NFASC: variants seen among roughly 807,000 people sequenced by gnomAD.
The protein encoded by NFASC is neurofascin homolog.
In NFASC, 43 loss-of-function variants were observed where a neutral mutation model predicts 147.5. The ratio of observed to expected loss-of-function variants is 0.29; its 90% CI spans 0.23 to 0.38. The LOEUF (loss-of-function observed/expected upper bound fraction) is 0.38, where lower values mean the gene tolerates loss of function less well. Ranked by LOEUF, NFASC falls within the 10% of genes least tolerant of loss-of-function variation. The pLI is 1.00. For synonymous variants in NFASC, 622 were observed against 665.5 expected (o/e 0.93, Z 1.01); for missense variants, 1,320 against 1,689.0 (o/e 0.78, Z 3.83).
At chr1:205,003,517 T>C (rs1361996726) in intron 27 of NFASC, among the ~76,000 whole-genome samples, 1 of 152,170 alleles carries the variant, frequency 6.6e-6, no homozygotes, top group African/African-American at 2.4e-5. Context: ...GGGCACTCCC[T>C]GGTCTGAGTG....
intron 1 of NFASC, among the ~76,000 whole-genome samples, chr1:204,862,210 G>A (rs2076738093): frequency 6.6e-6 from 1 of 152,000 alleles, no homozygotes. Flanking sequence ...TCCCATTCTT[G>A]GCTCTATCTT....
intron 3 of NFASC, chr1:204,946,852 C>T (rs1436748052): frequency 1.9e-5 from 9 of 482,346 alleles, no homozygotes; most frequent in South Asian, 5.8e-5. Flanking sequence ...CAAGACCAAG[C>T]GAGGCCAGCC....
intron 1 of NFASC, among the ~76,000 whole-genome samples, chr1:204,842,586 C>T (rs1675672670): frequency 6.6e-6 from 1 of 152,232 alleles, no homozygotes; most frequent in Admixed American, 6.5e-5. Context: ...TCCCCTGTCA[C>T]CCAGAAGCCT....
chr1:204,836,834 C>T (rs1366288690), intron 1 of NFASC, among the ~76,000 whole-genome samples: 1 of 152,232 alleles, frequency 6.6e-6, no homozygotes, highest in Non-Finnish European at 1.5e-5. Flanking sequence ...GGGAGCTAAA[C>T]CAGGATTCTG....
rs577915832 is a variant in NFASC, at chr1:204,985,423, A to G, written c.2471-1995A>G. On this transcript the variant is annotated intron_variant, in intron 21 of 29. Transcript: ENST00000339876. ...TAAATCAACCCTTTCTCATATTCAGACTTCCGGGGGTAACTTGCTACCTTT... is the reference window on the plus strand; with the variant it reads ...TAAATCAACCCTTTCTCATATTCAGGCTTCCGGGGGTAACTTGCTACCTTT... Among the ~76,000 whole-genome samples, 5 of 152,322 alleles carry G rather than the reference A, an allele frequency of 3.3e-5. No homozygotes were observed. The South Asian group carries it at 1.0e-3, about 32-fold the overall frequency.
chr1:204,942,511 G>A (rs1174491260), intron 2 of NFASC, among the ~76,000 whole-genome samples: 2 of 152,228 alleles, frequency 1.3e-5, no homozygotes, highest in Non-Finnish European at 2.9e-5. Flanking sequence ...CACTAGGGGA[G>A]TAGCACATTT....
intron 1 of NFASC, among the ~76,000 whole-genome samples, chr1:204,902,135 A>G (rs527771002): frequency 1.9e-4 from 29 of 152,190 alleles, no homozygotes; most frequent in Non-Finnish European, 3.7e-4. Flanking sequence ...CTCTACAACA[A>G]GTTTTAAAAA....
At chr1:204,914,793 TG>T (rs1324825201) in intron 1 of NFASC, among the ~76,000 whole-genome samples, 1 of 152,244 alleles carries the variant, frequency 6.6e-6, no homozygotes, top group Non-Finnish European at 1.5e-5. Context: ...GCATTATCTT[TG>T]GATAAATTAC....
intron 1 of NFASC, among the ~76,000 whole-genome samples, chr1:204,879,581 C>T (rs1337928446): frequency 6.6e-6 from 1 of 152,188 alleles, no homozygotes. Context: ...AAAATCTCAC[C>T]AGATGTGCTT....
chr1:205,022,286 C>A lies in NFASC; in HGVS notation c.*5747C>A, dbSNP rs988057847. ...CCAGCTCTTTGCCAACCTCTTCACA[C>A]TCCCCTTGAGCTGAGCATCAGTCGC... On this transcript the variant is annotated 3_prime_UTR_variant, in exon 30 of 30. Coordinates refer to ENST00000339876, the MANE Select transcript of NFASC (RefSeq NM_001005388.3). The A allele has an allele frequency of 6.5e-6, 1 of 152,716 alleles. No homozygotes were observed. The highest frequency in any genetic ancestry group is 6.5e-5 in the Admixed American group (1 of 15,282). The allele number at this position is 152,716 out of a possible 1,614,324, so 9.5% of individuals were successfully genotyped here. A position where few individuals can be genotyped will look rare whatever the true frequency, so the allele number is the denominator to read the frequency against.
At position 205,019,970 on chromosome 1, in the gene NFASC, C is replaced by A. The variant is rs1012269840; in HGVS notation, c.*3431C>A. On this transcript the variant is annotated 3_prime_UTR_variant, in exon 30 of 30. Transcript: ENST00000339876. ...GCCATCGGTCAGGGGACAGCTGCCT[C>A]CCACCTTGCCTGGGTGATGGTGAAT... 1 of 152,232 alleles carries A rather than the reference C, an allele frequency of 6.6e-6. No homozygotes were observed. Among genetic ancestry groups the A allele is most frequent in the South Asian group, 2.1e-4 (1 of 4,832 alleles). 9.4% of individuals were successfully genotyped at this position (152,232 alleles called of 1,614,324 possible).
chr1:205,012,980 C>A, intron 29 of NFASC, 114 bp downstream of exon 29: 1 of 756,196 alleles, frequency 1.3e-6, no homozygotes, highest in Non-Finnish European at 2.3e-6. Context: ...GCTGTCCTTG[C>A]CCATTGGGCT....
chr1:204,834,903 C>T (rs117694291), intron 1 of NFASC, among the ~76,000 whole-genome samples: 3 of 152,088 alleles, frequency 2.0e-5, no homozygotes, highest in Non-Finnish European at 4.4e-5. Flanking sequence ...CCCCACCCAG[C>T]CCCTCGTACT....
intron 1 of NFASC, among the ~76,000 whole-genome samples, chr1:204,842,171 G>C (rs925805554): frequency 1.3e-5 from 2 of 152,134 alleles, no homozygotes; most frequent in Non-Finnish European, 2.9e-5. Context: ...ATATGCAATG[G>C]GCTTCCAATA....
intron 1 of NFASC, among the ~76,000 whole-genome samples, chr1:204,857,417 A>G (rs961986955): frequency 1.3e-5 from 2 of 152,228 alleles, no homozygotes; most frequent in African/African-American, 2.4e-5. Context: ...TGTGATGGTC[A>G]TCGGAGCAGA....
At chr1:204,856,846 A>G (rs6674756) in intron 1 of NFASC, among the ~76,000 whole-genome samples, 29,012 of 152,044 alleles carry the variant, frequency 0.19, 4,296 homozygotes, top group East Asian at 0.52. Flanking sequence ...TGCGGCATGC[A>G]TCAGTACTAC....
intron 11 of NFASC, among the ~76,000 whole-genome samples, chr1:204,971,224 A>C (rs534397275): frequency 6.6e-6 from 1 of 152,136 alleles, no homozygotes; most frequent in Non-Finnish European, 1.5e-5. Context: ...TTATGGTTAG[A>C]TATGAGGAAG....
rs80077279 is a variant in NFASC, at chr1:204,964,595, A to G, written c.707-3654A>G. Among the ~76,000 whole-genome samples, 307 of 152,328 alleles carry G rather than the reference A, an allele frequency of 2.0e-3. 1 individual carries two copies. Among genetic ancestry groups the G allele is most frequent in the Admixed American group, 5.5e-3 (84 of 15,306 alleles). ...TACAGGAGAAATTTCCTGGTACTGA[A>G]AGGTATCAAATATTACTAGACAAAG... On this transcript the variant is annotated intron_variant, in intron 8 of 29. Coordinates refer to ENST00000339876, the MANE Select transcript of NFASC (RefSeq NM_001005388.3).
chr1:204,908,112 G>A (rs1256204140), intron 1 of NFASC, among the ~76,000 whole-genome samples: 1 of 152,118 alleles, frequency 6.6e-6, no homozygotes, highest in East Asian at 1.9e-4. Flanking sequence ...CTCCCAAGCA[G>A]CTGAGACTAC....
Sources: allele counts gnomAD v4.1 joint callset (sites outside exome capture counted in the v4.1 genomes callset), GRCh38; gene constraint gnomAD v4.1.1; transcripts MANE v1.5; gene names NCBI Gene and HGNC (gene_info 2026-07-23, HGNC 2026-07-21).